Variants in RBL2 observed in about 807,000 individuals in gnomAD.
RBL2 encodes the protein retinoblastoma-like protein 2.
In RBL2, 56 loss-of-function variants were observed where a neutral mutation model predicts 126.0. The observed-to-expected ratio is 0.44, with a 90% confidence interval of 0.36 to 0.56. RBL2 has a LOEUF of 0.56. RBL2 is among the 20% of genes least tolerant of loss of function. The probability of loss-of-function intolerance (pLI) is 0.00; values close to 1 mark genes in which losing one functional copy is unlikely to be tolerated. For missense variants in RBL2, 1,229 were observed against 1,398.2 expected (o/e 0.88, Z 1.93); for synonymous variants, 454 against 478.5 (o/e 0.95, Z 0.67).
chr16:53,485,228 C>G (rs1200689550), intron 21 of RBL2, among the ~76,000 whole-genome samples: 1 of 152,132 alleles, frequency 6.6e-6, no homozygotes, highest in Non-Finnish European at 1.5e-5. Context: ...TGTGTTTTCA[C>G]TATCACAATG....
At chr16:53,437,052 CTT>C (rs111637343) in intron 1 of RBL2, among the ~76,000 whole-genome samples, 1 of 146,092 alleles carries the variant, frequency 6.8e-6, no homozygotes. Context: ...TATTTTTTTT[CTT>C]TTTTTTTTTC....
chr16:53,462,714 T>C, intron 11 of RBL2, 59 bp downstream of exon 11: 1 of 1,154,734 alleles, frequency 8.7e-7, no homozygotes, highest in South Asian at 1.5e-5. Flanking sequence ...CTTCCTGCCC[T>C]ATTCTGTGGG....
At chr16:53,439,325 A>G (rs997900877) in intron 2 of RBL2, among the ~76,000 whole-genome samples, 179 bp downstream of exon 2, 3 of 152,158 alleles carry the variant, frequency 2.0e-5, no homozygotes, top group Non-Finnish European at 4.4e-5. Flanking sequence ...GTTAATATCC[A>G]TTATATTTTA....
In RBL2 at chr16:53,434,620, G is replaced by C. The variant is rs2057935742; in HGVS notation, c.64G>C (p.Asp22His). ...TCCCCCTCCGGCGGCGGCAGCCTCG[G>C]ATGAGGAGGAGGAGGACGACGGCGA... is the stretch of plus-strand genomic sequence containing the variant. ...PPPPPAAAAS[D>H]EEEEDDGEAE... is the part of the protein sequence containing the mutation. Residue 22 changes from aspartate (D) to histidine (H), a missense_variant, in exon 1 of 22, where the codon GAT becomes CAT. Physicochemically the swap from Asp to His is moderately conservative, Grantham distance 81 (BLOSUM62 -1). Transcript: ENST00000262133. 1 of 1,559,744 alleles carries C rather than the reference G, an allele frequency of 6.4e-7. No homozygotes were observed. The highest frequency in any genetic ancestry group is 8.6e-7 in the Non-Finnish European group (1 of 1,162,628).
chr16:53,459,754 A>G (rs560479396), intron 9 of RBL2, 137 bp downstream of exon 9: 6 of 762,904 alleles, frequency 7.9e-6, no homozygotes, highest in Middle Eastern at 4.0e-4. Context: ...TTGTGAGTCT[A>G]TAGAGGACCT....
intron 2 of RBL2, among the ~76,000 whole-genome samples, chr16:53,441,347 T>TGAA (rs1342429219): frequency 1.3e-5 from 2 of 152,126 alleles, no homozygotes; most frequent in Admixed American, 1.3e-4. Context: ...CTAGTAATAT[T>TGAA]GAAGGTGCAC....
chr16:53,464,392 G>T (rs760137100), intron 12 of RBL2, 29 bp downstream of exon 12: 8 of 1,525,478 alleles, frequency 5.2e-6, no homozygotes, highest in Non-Finnish European at 7.2e-6. Context: ...TACTAATGGG[G>T]ATATTGTAGA....
intron 17 of RBL2, 105 bp downstream of exon 17, chr16:53,471,027 A>T (rs1192896730): frequency 4.9e-6 from 6 of 1,219,382 alleles, no homozygotes; most frequent in Non-Finnish European, 6.8e-6. Flanking sequence ...TAATTCACCT[A>T]TTTAAAATGC....
At chr16:53,439,954 C>CAAAAAAAAAAAAAA (rs10591959) in intron 2 of RBL2, among the ~76,000 whole-genome samples, 11 of 91,938 alleles carry the variant, frequency 1.2e-4, no homozygotes, top group African/African-American at 4.4e-4. Flanking sequence ...ACCTTGTCTC[C>CAAAAAAAAAAAAAA]AAAAAAAAAA....
At chr16:53,437,273 C>A (rs752760062) in intron 1 of RBL2, among the ~76,000 whole-genome samples, 1 of 150,840 alleles carries the variant, frequency 6.6e-6, no homozygotes, top group Non-Finnish European at 1.5e-5. Flanking sequence ...ATGAAACCAT[C>A]TCCCAGAGAT....
chr16:53,434,563 TC>T lies in RBL2; in HGVS notation c.8del (p.Ser3TrpfsTer71). The T allele has an allele frequency of 6.6e-7, 1 of 1,518,574 alleles. No individual in the cohort carries two copies. Among genetic ancestry groups the T allele is most frequent in the Non-Finnish European group, 8.8e-7 (1 of 1,141,836 alleles). 94.1% of individuals were successfully genotyped at this position (1,518,574 alleles called of 1,614,324 possible). On this transcript the variant is annotated frameshift_variant, in exon 1 of 22. Coordinates refer to ENST00000262133, the MANE Select transcript of RBL2 (RefSeq NM_005611.4). LOFTEE classifies it high-confidence loss of function. The part of the protein sequence containing the change: MP[S>X]GGDQSPPPPP... The stretch of plus-strand genomic sequence containing the variant: ...GGCCGCCCAGGGGTGCGCTATGCCG[TC>T]GGGAGGTGACCAGTCGCCACCGCCC...
intron 13 of RBL2, 164 bp downstream of exon 13, chr16:53,465,766 G>A: frequency 2.0e-6 from 1 of 505,230 alleles, no homozygotes; most frequent in Non-Finnish European, 3.2e-6. Context: ...CCACAAATTG[G>A]GAAGGTGCCA....
At chr16:53,463,305 A>ACCTG (rs778255783) in intron 11 of RBL2, among the ~76,000 whole-genome samples, 82 of 152,140 alleles carry the variant, frequency 5.4e-4, no homozygotes, top group Admixed American at 1.4e-3. Context: ...CTAGCCAGTC[A>ACCTG]CCTGCCTGCC....
At chr16:53,460,661 C>T (rs372542091) in intron 9 of RBL2, among the ~76,000 whole-genome samples, 1 of 152,062 alleles carries the variant, frequency 6.6e-6, no homozygotes, top group South Asian at 2.1e-4. Context: ...CCAGTAAATA[C>T]TAGGTAAAAT....
chr16:53,457,411 C>A lies in RBL2; in HGVS notation c.1180-2040C>A, dbSNP rs564807586. Among the ~76,000 whole-genome samples, 46 of 151,844 alleles carry A rather than the reference C, an allele frequency of 3.0e-4. 1 individual carries two copies. The East Asian group carries it at 5.4e-3, about 18-fold the overall frequency. On this transcript the variant is annotated intron_variant, in intron 8 of 21. Transcript: ENST00000262133. ...AGTAGCTGGGATTACAGGTGCCTGC[C>A]ACCATGCCCAGCTAATTTTTTGTAT...
intron 17 of RBL2, among the ~76,000 whole-genome samples, chr16:53,471,234 T>C (rs2058320192): frequency 6.6e-6 from 1 of 152,246 alleles, no homozygotes; most frequent in Admixed American, 6.5e-5. Context: ...TGTATAGACA[T>C]GTATTTTCAT....
chr16:53,455,396 T>A (rs1293358940), intron 8 of RBL2, among the ~76,000 whole-genome samples: 1 of 152,240 alleles, frequency 6.6e-6, no homozygotes, highest in East Asian at 1.9e-4. Context: ...AAGGGCCAGT[T>A]CACCTGGAAG....
intron 2 of RBL2, among the ~76,000 whole-genome samples, chr16:53,442,131 T>G (rs2058022481): frequency 6.6e-6 from 1 of 151,976 alleles, no homozygotes; most frequent in Non-Finnish European, 1.5e-5. Context: ...TGACTGCTTC[T>G]ATAGTGTTGC....
At chr16:53,470,953 GAT>G in intron 17 of RBL2, 31 bp downstream of exon 17, 1 of 1,581,094 alleles carries the variant, frequency 6.3e-7, no homozygotes, top group Non-Finnish European at 8.6e-7. Flanking sequence ...TAAAGGCAAA[GAT>G]AGGTCTTCAT....
Sources: gnomAD v4.1 joint callset for allele counts (sites outside exome capture counted in the v4.1 genomes callset) on GRCh38, gnomAD v4.1.1 for gene constraint, MANE v1.5 for transcripts, NCBI Gene and HGNC (gene_info 2026-07-23, HGNC 2026-07-21) for gene names.